Variants in SLC35A3 observed in about 807,000 individuals in gnomAD.
SLC35A3 encodes the protein solute carrier family 35 member A3.
In SLC35A3, 26 loss-of-function variants were observed where a neutral mutation model predicts 39.0. The ratio of observed to expected loss-of-function variants is 0.67; its 90% CI spans 0.49 to 0.92. SLC35A3 has a LOEUF of 0.92. SLC35A3 is among the 40% of genes least tolerant of loss of function. The pLI is 0.00. For missense variants in SLC35A3, 299 were observed against 371.6 expected (o/e 0.80, Z 1.61); for synonymous variants, 135 against 133.1 (o/e 1.01, Z -0.10).
At chr1:99,985,694 G>A (rs532231979) in intron 1 of SLC35A3, among the ~76,000 whole-genome samples, 25 of 152,232 alleles carry the variant, frequency 1.6e-4, no homozygotes, top group East Asian at 5.8e-4. Flanking sequence ...CTACGCATCC[G>A]TGAGTGTGGG....
intron 1 of SLC35A3, among the ~76,000 whole-genome samples, chr1:99,973,718 C>T (rs1351889963): frequency 2.0e-5 from 3 of 151,978 alleles, no homozygotes; most frequent in East Asian, 1.9e-4. Flanking sequence ...ATTAGAATTA[C>T]GATGAAGCTG....
intron 3 of SLC35A3, chr1:100,000,781 C>T (rs1356316220): frequency 1.3e-5 from 2 of 152,096 alleles, no homozygotes; most frequent in Non-Finnish European, 2.9e-5. Flanking sequence ...AAAATCTGCC[C>T]TGACCAATGT....
At chr1:100,011,655 G>T (rs1659646749) in intron 5 of SLC35A3, 122 bp downstream of exon 5, 1 of 311,544 alleles carries the variant, frequency 3.2e-6, no homozygotes, top group Non-Finnish European at 5.9e-6. Flanking sequence ...CAAATATCTG[G>T]CAATGCTCTT....
chr1:99,997,500 C>T (rs1570594446), intron 2 of SLC35A3, among the ~76,000 whole-genome samples: 2 of 119,244 alleles, frequency 1.7e-5, no homozygotes, highest in South Asian at 5.5e-4. Context: ...ACATACCAGG[C>T]ACATTTTGGT....
At chr1:100,000,313 C>T (rs373429579) in intron 3 of SLC35A3, among the ~76,000 whole-genome samples, 5 of 152,120 alleles carry the variant, frequency 3.3e-5, no homozygotes, top group African/African-American at 9.7e-5. Flanking sequence ...TCTTGATTTG[C>T]GTTTCCCTGA....
intron 1 of SLC35A3, 188 bp downstream of exon 1, chr1:99,970,350 T>G (rs1348688559): frequency 1.7e-6 from 1 of 584,634 alleles, no homozygotes; most frequent in East Asian, 2.8e-5. Flanking sequence ...TGGGAGCAGA[T>G]GAGGTGACAC....
At chr1:99,973,981 C>T (rs1160711326) in intron 1 of SLC35A3, among the ~76,000 whole-genome samples, 2 of 148,324 alleles carry the variant, frequency 1.3e-5, no homozygotes, top group Admixed American at 6.8e-5. Context: ...CTCCATTGCA[C>T]TCCAGCCTGG....
intron 1 of SLC35A3, 55 bp from the exon 2 acceptor site, chr1:99,993,482 C>A (rs1658208833): frequency 2.8e-6 from 4 of 1,432,256 alleles, no homozygotes; most frequent in Non-Finnish European, 2.9e-6. Flanking sequence ...TTTAAATATA[C>A]TAGTTTTCAT....
intron 1 of SLC35A3, among the ~76,000 whole-genome samples, chr1:99,992,887 C>A (rs187964275): frequency 6.6e-6 from 1 of 152,278 alleles, no homozygotes; most frequent in African/African-American, 2.4e-5. Flanking sequence ...CAAACATTTG[C>A]CTTCTATAGG....
intron 1 of SLC35A3, among the ~76,000 whole-genome samples, chr1:99,991,471 G>C (rs532283395): frequency 6.6e-6 from 1 of 152,262 alleles, no homozygotes; most frequent in Admixed American, 6.5e-5. Flanking sequence ...TAGTTTTATA[G>C]TAAGTCTGGA....
In SLC35A3 at chr1:100,032,411, T is replaced by C. The variant is rs1163000381; in HGVS notation, c.*9935T>C. 1.3e-5 allele frequency: 2 copies of C among 152,000 alleles called. No individual in the cohort carries two copies. Among genetic ancestry groups the C allele is most frequent in the African/African-American group, 4.8e-5 (2 of 41,388 alleles). 9.4% of individuals were successfully genotyped at this position (152,000 alleles called of 1,614,324 possible). Reference sequence around the variant, plus strand: ...ATATTTCCCTCCTGTTTCTCTAATATCCCTCTTTAAAAAAAAGACCATGTC... The same window carrying C: ...ATATTTCCCTCCTGTTTCTCTAATACCCCTCTTTAAAAAAAAGACCATGTC... On this transcript the variant is annotated 3_prime_UTR_variant, in exon 8 of 8. Transcript: ENST00000533028.
At chr1:100,015,885 A>G (rs1660065871) in intron 6 of SLC35A3, among the ~76,000 whole-genome samples, 2 of 152,136 alleles carry the variant, frequency 1.3e-5, no homozygotes, top group Admixed American at 1.3e-4. Context: ...GTAATTAATT[A>G]CATCTTTAAA....
chr1:100,015,471 T>C lies in SLC35A3; in HGVS notation c.753+51T>C, dbSNP rs474492. On this transcript the variant is annotated intron_variant, in intron 6 of 7. Coordinates refer to ENST00000533028, the MANE Select transcript of SLC35A3 (RefSeq NM_012243.3). ...AATGCTAATAAACTGTATTTTAATA[T>C]AAAGAATCAAAGTAGCTCCTGATAT... is the stretch of plus-strand genomic sequence containing the variant. 1.7e-3 allele frequency: 2,640 copies of C among 1,551,258 alleles called. 43 individuals are homozygous for C. In the African/African-American group the frequency reaches 0.033, roughly 19 times the overall value.
At position 100,008,124 on chromosome 1, in the gene SLC35A3, T is replaced by C. The variant is rs1164226701; in HGVS notation, c.465+968T>C. ...CTGCCACCATGCCCGGCTAATTTTT[T>C]GTATTTTTAGTAAAGATGGACTTTC... On this transcript the variant is annotated intron_variant, in intron 4 of 7. Transcript: ENST00000533028. 12 of 152,066 alleles carry C rather than the reference T, an allele frequency of 7.9e-5. No individual in the cohort carries two copies. The East Asian group carries it at 2.3e-3, about 29-fold the overall frequency. 9.4% of individuals were successfully genotyped at this position (152,066 alleles called of 1,614,324 possible).
chr1:100,020,811 A>G (rs1660482299), intron 7 of SLC35A3, among the ~76,000 whole-genome samples: 1 of 152,190 alleles, frequency 6.6e-6, no homozygotes, highest in African/African-American at 2.4e-5. Context: ...CTAAGAAGCA[A>G]GGAAACTGTG....
chr1:99,996,386 G>A (rs1263280462), intron 2 of SLC35A3, among the ~76,000 whole-genome samples: 1 of 151,984 alleles, frequency 6.6e-6, no homozygotes, highest in Non-Finnish European at 1.5e-5. Flanking sequence ...ATAGAAAAGG[G>A]GGCAAAGGAT....
intron 1 of SLC35A3, among the ~76,000 whole-genome samples, chr1:99,973,848 C>T (rs925245355): frequency 1.3e-5 from 2 of 152,106 alleles, no homozygotes; most frequent in African/African-American, 2.4e-5. Context: ...AACCCTGTCT[C>T]TACTAAAAAT....
chr1:100,027,816 A>G lies in SLC35A3; in HGVS notation c.*5340A>G, dbSNP rs1660997978. The G allele has an allele frequency of 6.6e-6, 1 of 152,158 alleles. No individual in the cohort carries two copies. Among genetic ancestry groups the G allele is most frequent in the African/African-American group, 2.4e-5 (1 of 41,432 alleles). 9.4% of individuals were successfully genotyped at this position (152,158 alleles called of 1,614,324 possible). A position where few individuals can be genotyped will look rare whatever the true frequency, so the allele number is the denominator to read the frequency against. ...TTGGCAACCTCTCATGAAAAGCACT[A>G]ACTAAAAATATTTAATAATCTTTTT... On this transcript the variant is annotated 3_prime_UTR_variant, in exon 8 of 8. Coordinates refer to ENST00000533028, the MANE Select transcript of SLC35A3 (RefSeq NM_012243.3).
chr1:99,993,746 G>C lies in SLC35A3; in HGVS notation c.187+5G>C. 6.2e-7 allele frequency: 1 copy of C among 1,610,236 alleles called. No homozygotes were observed. The highest frequency in any genetic ancestry group is 8.5e-7 in the Non-Finnish European group (1 of 1,178,818). On this transcript the variant is annotated splice_donor_5th_base_variant and intron_variant, in intron 2 of 7. Coordinates refer to ENST00000533028, the MANE Select transcript of SLC35A3 (RefSeq NM_012243.3). ...TATTGGTCTACAAAGACAGCAGTAGGTATCTAGGTTTTTTGTTTTTAATCA... is the reference window on the plus strand; with the variant it reads ...TATTGGTCTACAAAGACAGCAGTAGCTATCTAGGTTTTTTGTTTTTAATCA...
Sources: allele counts gnomAD v4.1 joint callset (sites outside exome capture counted in the v4.1 genomes callset), GRCh38; gene constraint gnomAD v4.1.1; transcripts MANE v1.5; gene names NCBI Gene and HGNC (gene_info 2026-07-23, HGNC 2026-07-21).